Variants in ACSBG1 observed in about 807,000 individuals in gnomAD.
ACSBG1 encodes the protein long-chain-fatty-acid--CoA ligase ACSBG1.
Under a neutral mutation model 80.2 loss-of-function variants are expected in ACSBG1, and 39 were observed. The ratio of observed to expected loss-of-function variants is 0.49; its 90% CI spans 0.38 to 0.64. ACSBG1 has a LOEUF of 0.64. Ranked by LOEUF, ACSBG1 falls within the 30% of genes least tolerant of loss-of-function variation. The pLI, the probability that ACSBG1 is intolerant of heterozygous loss-of-function variation, is 0.00. For synonymous variants in ACSBG1, 392 were observed against 379.5 expected, an observed-to-expected ratio of 1.03 and a Z score of -0.38; for missense variants, 828 against 966.4, an observed-to-expected ratio of 0.86 and a Z score of 1.90.
intron 2 of ACSBG1, among the ~76,000 whole-genome samples, chr15:78,197,071 A>T (rs1299080097): frequency 6.6e-6 from 1 of 152,080 alleles, no homozygotes; most frequent in Non-Finnish European, 1.5e-5. Context: ...CTCAGAAAAA[A>T]AATTAAATCA....
At chr15:78,198,261 G>A (rs781064207) in intron 2 of ACSBG1, among the ~76,000 whole-genome samples, 63 of 152,146 alleles carry the variant, frequency 4.1e-4, no homozygotes, top group Non-Finnish European at 6.9e-4. Flanking sequence ...GGCTGGTCTC[G>A]AACTCCTGGC....
intron 12 of ACSBG1, 64 bp from the exon 13 acceptor site, chr15:78,173,903 G>A: frequency 6.4e-7 from 1 of 1,562,166 alleles, no homozygotes; most frequent in Non-Finnish European, 8.7e-7. Flanking sequence ...CCTGGTCCTG[G>A]AGGAGGTCTT....
intron 11 of ACSBG1, among the ~76,000 whole-genome samples, chr15:78,176,706 CTTG>C (rs2074886161): frequency 6.6e-6 from 1 of 152,174 alleles, no homozygotes; most frequent in Non-Finnish European, 1.5e-5. Flanking sequence ...AGGAGGATGG[CTTG>C]AGCTCAGGAG....
At chr15:78,231,626 C>T (rs8032174) in intron 1 of ACSBG1, among the ~76,000 whole-genome samples, 27,528 of 151,726 alleles carry the variant, frequency 0.18, 2,716 homozygotes, top group African/African-American at 0.25. Context: ...AGAGTCTTGC[C>T]CTGTAGTCCA....
At chr15:78,174,696 G>T in intron 11 of ACSBG1, 172 bp from the exon 12 acceptor site, 1 of 713,528 alleles carries the variant, frequency 1.4e-6, no homozygotes, top group Non-Finnish European at 2.2e-6. Flanking sequence ...CCTGCTTGGG[G>T]GCTGGTGGCA....
At chr15:78,207,690 G>A in intron 2 of ACSBG1, 1 of 366,898 alleles carries the variant, frequency 2.7e-6, no homozygotes, top group Non-Finnish European at 5.0e-6. Flanking sequence ...CCCTTTGCTG[G>A]AGCCCCAAGT....
Position 78,182,577 on chromosome 15 carries a change from C to A in ACSBG1, c.783G>T (p.Glu261Asp). Residue 261 changes from glutamate (E) to aspartate (D), a missense_variant, in exon 7 of 14, where the codon GAG (glutamate) becomes GAT (aspartate). Around this residue, in one of 3 missense-constraint regions of ACSBG1, gnomAD observed 356 missense variants for 363.5 expected, o/e 0.98. Coordinates refer to ENST00000258873, the MANE Select transcript of ACSBG1 (RefSeq NM_015162.5). ...EFMELGNEVP[E>D]EALDAIIDTQ... ...TGTCAATGATGGCGTCCAGGGCTTC[C>A]TCAGGCACTTCATTCCCCAGCTCCA... The A allele has an allele frequency of 6.2e-7, 1 of 1,614,122 alleles. No individual in the cohort carries two copies. The highest frequency in any genetic ancestry group is 2.2e-5 in the East Asian group (1 of 44,882).
intron 13 of ACSBG1, among the ~76,000 whole-genome samples, chr15:78,173,317 C>T (rs2074845343): frequency 7.5e-6 from 1 of 133,624 alleles, no homozygotes; most frequent in Admixed American, 8.7e-5. Flanking sequence ...TGCTCTCTAG[C>T]CTGGGTGACA....
intron 2 of ACSBG1, among the ~76,000 whole-genome samples, chr15:78,202,243 G>C (rs1302715833): frequency 1.3e-5 from 2 of 151,964 alleles, no homozygotes; most frequent in African/African-American, 4.8e-5. Flanking sequence ...ACAGAGTCTT[G>C]CTCTGTCACC....
At chr15:78,212,247 G>A (rs1002571307) in intron 1 of ACSBG1, among the ~76,000 whole-genome samples, 9 of 152,256 alleles carry the variant, frequency 5.9e-5, no homozygotes, top group African/African-American at 2.2e-4. Flanking sequence ...CTATGTGGCC[G>A]AGTCACGGTT....
intron 1 of ACSBG1, among the ~76,000 whole-genome samples, chr15:78,227,364 AT>A (rs2075413423): frequency 6.6e-6 from 1 of 152,148 alleles, no homozygotes; most frequent in Non-Finnish European, 1.5e-5. Context: ...TAATAAAAGG[AT>A]TAAGAACCCA....
chr15:78,194,420 G>C, intron 3 of ACSBG1, 86 bp downstream of exon 3: 4 of 1,266,322 alleles, frequency 3.2e-6, no homozygotes, highest in Non-Finnish European at 4.5e-6. Context: ...TTGCCCAGTG[G>C]GCAGTTGGAG....
At position 78,182,429 on chromosome 15, in the gene ACSBG1, C is replaced by T. The variant is rs760050590; in HGVS notation, c.894+37G>A. The T allele has an allele frequency of 3.1e-5, 50 of 1,597,534 alleles. No homozygotes were observed. In the South Asian group the frequency reaches 4.3e-4, roughly 14 times the overall value. On this transcript the variant is annotated intron_variant, in intron 7 of 13. Coordinates refer to ENST00000258873, the MANE Select transcript of ACSBG1 (RefSeq NM_015162.5). ...ATGGCCCAGATCCACCCATAACCCC[C>T]TTGCACCCCCCCCACCCCACCGGGC...
intron 1 of ACSBG1, among the ~76,000 whole-genome samples, chr15:78,219,258 G>T (rs1567098152): frequency 6.6e-6 from 1 of 152,146 alleles, no homozygotes; most frequent in East Asian, 1.9e-4. Context: ...TAAGATACTT[G>T]GTTATTGTGC....
intron 1 of ACSBG1, among the ~76,000 whole-genome samples, chr15:78,220,618 A>G (rs1387909744): frequency 6.6e-6 from 1 of 152,222 alleles, no homozygotes; most frequent in Non-Finnish European, 1.5e-5. Flanking sequence ...TTACAACTCA[A>G]TAATAAGAAG....
intron 10 of ACSBG1, 98 bp downstream of exon 10, chr15:78,179,452 T>G (rs943058713): frequency 3.5e-6 from 4 of 1,151,722 alleles, no homozygotes; most frequent in African/African-American, 1.5e-5. Context: ...CCAACTGGCA[T>G]GCAAAGAGAA....
chr15:78,224,582 G>A (rs558323458), intron 1 of ACSBG1, among the ~76,000 whole-genome samples: 6 of 152,090 alleles, frequency 3.9e-5, no homozygotes, highest in South Asian at 2.1e-4. Context: ...TTAGCCAGGC[G>A]TGGTGGCAGA....
intron 1 of ACSBG1, among the ~76,000 whole-genome samples, chr15:78,225,926 C>T (rs1438797009): frequency 6.6e-6 from 1 of 152,114 alleles, no homozygotes; most frequent in Non-Finnish European, 1.5e-5. Context: ...AATGAGCTTC[C>T]AAAAGCTGAC....
rs778422790 is a variant in ACSBG1, at chr15:78,177,399, G to A, written c.1702+1215C>T. Among the ~76,000 whole-genome samples the A allele has an allele frequency of 1.3e-5, 2 of 152,202 alleles. No homozygotes were observed. Among genetic ancestry groups the A allele is most frequent in the African/African-American group, 4.8e-5 (2 of 41,446 alleles). ...GCCATGGGGAAAGGATGCTGTGTCC[G>A]TTGGATATGTATTTGGAGAAAAGCT... On this transcript the variant is annotated intron_variant, in intron 11 of 13. Coordinates refer to ENST00000258873, the MANE Select transcript of ACSBG1 (RefSeq NM_015162.5). The surrounding 1 kb of genome is among the most constrained non-coding windows in gnomAD (Gnocchi z 4.1).
Sources: allele counts gnomAD v4.1 joint callset (sites outside exome capture counted in the v4.1 genomes callset), GRCh38; gene constraint gnomAD v4.1.1; regional missense constraint gnomAD v4.1.1; non-coding constraint Gnocchi (gnomAD v3.1); transcripts MANE v1.5; gene names NCBI Gene and HGNC (gene_info 2026-07-23, HGNC 2026-07-21).